GALNT18: variants seen among roughly 807,000 people sequenced by gnomAD.
GALNT18 encodes the protein polypeptide N-acetylgalactosaminyltransferase 18, also known as GalNAc-transferase 18.
In GALNT18, 44 loss-of-function variants were observed where a neutral mutation model predicts 69.5. That is an observed-to-expected ratio of 0.63 (90% CI 0.50 to 0.81). The LOEUF is 0.81. Among genes scored for constraint, GALNT18 ranks in the 40% least tolerant of loss-of-function variants. GALNT18 has a pLI of 0.00. For missense variants in GALNT18, 715 were observed against 810.0 expected (o/e 0.88, Z 1.42); for synonymous variants, 364 against 318.2 (o/e 1.14, Z -1.53).
chr11:11,296,266 C>T (rs1449222405), intron 9 of GALNT18, among the ~76,000 whole-genome samples: 2 of 152,262 alleles, frequency 1.3e-5, no homozygotes, highest in Non-Finnish European at 2.9e-5. Context: ...CTTGTACTCA[C>T]CTACCCCAAC....
In GALNT18 at chr11:11,590,288, G is replaced by A. The variant is rs1338551789; in HGVS notation, c.235+31071C>T. On this transcript the variant is annotated intron_variant, in intron 1 of 10. Coordinates refer to ENST00000227756, the MANE Select transcript of GALNT18 (RefSeq NM_198516.3). This position sits in a 1 kb window ranked among gnomAD's most constrained non-coding sequence, Gnocchi z 4.4. The stretch of plus-strand genomic sequence containing the variant: ...TGCTCTTTCCATGTTCTCTCTCCCC[G>A]TATCTGCCGATTGCATGCAAGGGGT... 2.0e-5 allele frequency among the ~76,000 whole-genome samples: 3 copies of A among 152,182 alleles called. No individual in the cohort carries two copies. The highest frequency in any genetic ancestry group is 7.2e-5 in the African/African-American group (3 of 41,440).
At chr11:11,311,184 C>T (rs967308281) in intron 9 of GALNT18, among the ~76,000 whole-genome samples, 1 of 152,152 alleles carries the variant, frequency 6.6e-6, no homozygotes, top group Admixed American at 6.5e-5. Context: ...GTTGGTGATA[C>T]CCTACTAAGA....
At position 11,497,371 on chromosome 11, in the gene GALNT18, C is replaced by T. The variant is rs1856887487; in HGVS notation, c.236-48435G>A. ...ACACACACACACACACACACACACA[C>T]CCCTTAGAATGGGGCTCCTTAAGAG... On this transcript the variant is annotated intron_variant, in intron 1 of 10. Coordinates refer to ENST00000227756, the MANE Select transcript of GALNT18 (RefSeq NM_198516.3). The surrounding 1 kb of genome is among the most constrained non-coding windows in gnomAD (Gnocchi z 4.2). 1.5e-5 allele frequency among the ~76,000 whole-genome samples: 2 copies of T among 131,746 alleles called. No individual in the cohort carries two copies. Among genetic ancestry groups the T allele is most frequent in the African/African-American group, 5.3e-5 (2 of 37,620 alleles). The allele number at this position is 131,746 out of a possible 152,430, so 86.4% of individuals were successfully genotyped here.
At chr11:11,311,303 A>G (rs1307722270) in intron 9 of GALNT18, among the ~76,000 whole-genome samples, 1 of 152,178 alleles carries the variant, frequency 6.6e-6, no homozygotes, top group East Asian at 1.9e-4. Context: ...GCTTCAAATG[A>G]AAGAGGAAGT....
intron 1 of GALNT18, among the ~76,000 whole-genome samples, chr11:11,464,959 T>C (rs1278912120): frequency 6.6e-6 from 1 of 152,208 alleles, no homozygotes; most frequent in Admixed American, 6.5e-5. Flanking sequence ...TTGTTACTGG[T>C]CAGGTGCTGG....
rs983962396 is a variant in GALNT18 at position 11,459,923 on chromosome 11, G to C, written c.236-10987C>G. ...TCTCCTTTCTGGAAGCTCTGGAGGA[G>C]AGATTCTGTTTCCATGCTCTTCCCA... On this transcript the variant is annotated intron_variant, in intron 1 of 10. Coordinates refer to ENST00000227756, the MANE Select transcript of GALNT18 (RefSeq NM_198516.3). The surrounding 1 kb of genome is among the most constrained non-coding windows in gnomAD (Gnocchi z 5.0). Among the ~76,000 whole-genome samples the C allele has an allele frequency of 1.4e-4, 21 of 152,192 alleles. No homozygotes were observed. The highest frequency in any genetic ancestry group is 4.8e-4 in the African/African-American group (20 of 41,434).
chr11:11,366,454 C>A (rs1000897338), intron 6 of GALNT18, among the ~76,000 whole-genome samples: 1 of 152,032 alleles, frequency 6.6e-6, no homozygotes, highest in African/African-American at 2.4e-5. Flanking sequence ...TAATTAATTT[C>A]TTCTTGTTAT....
chr11:11,299,324 T>A (rs576778682), intron 9 of GALNT18, among the ~76,000 whole-genome samples: 33 of 152,206 alleles, frequency 2.2e-4, no homozygotes, highest in African/African-American at 8.0e-4. Flanking sequence ...TTTTTTACTT[T>A]TAGTAGGGAC....
chr11:11,402,068 A>T lies in GALNT18; in HGVS notation c.596-22804T>A, dbSNP rs1854480296. Among the ~76,000 whole-genome samples the T allele has an allele frequency of 6.6e-6, 1 of 152,258 alleles. No individual in the cohort carries two copies. The highest frequency in any genetic ancestry group is 2.1e-4 in the South Asian group (1 of 4,830). On this transcript the variant is annotated intron_variant, in intron 3 of 10. Transcript: ENST00000227756. The surrounding 1 kb of genome is among the most constrained non-coding windows in gnomAD (Gnocchi z 4.0). ...TATGTACCAAAGCAAGAAGAGATGAAGTAGGCTTACATATTATTAGGTGAA... is the reference window on the plus strand; with the variant it reads ...TATGTACCAAAGCAAGAAGAGATGATGTAGGCTTACATATTATTAGGTGAA...
rs1850017027 is a variant in GALNT18, at chr11:11,331,576, C to T, written c.1416+1118G>A. On this transcript the variant is annotated intron_variant, in intron 8 of 10. Transcript: ENST00000227756. Reference sequence around the variant, plus strand: ...CACAGCTAATCAAAAGAAGAGACTTCAGTTCTTCCTTCAAGTTTTCATCTT... The same window carrying T: ...CACAGCTAATCAAAAGAAGAGACTTTAGTTCTTCCTTCAAGTTTTCATCTT... Among the ~76,000 whole-genome samples, 3 of 152,274 alleles carry T rather than the reference C, an allele frequency of 2.0e-5. No homozygotes were observed. The South Asian group carries it at 6.2e-4, about 32-fold the overall frequency.
intron 2 of GALNT18, among the ~76,000 whole-genome samples, chr11:11,440,548 C>G (rs562763055): frequency 6.6e-6 from 1 of 152,226 alleles, no homozygotes; most frequent in Non-Finnish European, 1.5e-5. Flanking sequence ...CAAAGCCTGG[C>G]TCAGGGCTCG....
chr11:11,332,549 A>G lies in GALNT18; in HGVS notation c.1416+145T>C. On this transcript the variant is annotated intron_variant, in intron 8 of 10. Coordinates refer to ENST00000227756, the MANE Select transcript of GALNT18 (RefSeq NM_198516.3). The surrounding 1 kb of genome is among the most constrained non-coding windows in gnomAD (Gnocchi z 4.3). ...GCTGTAAAAGTAAAGGCTGTCTTGCAGGTGCAGAACCCAGCGCCCGGTCCC... is the reference window on the plus strand; with the variant it reads ...GCTGTAAAAGTAAAGGCTGTCTTGCGGGTGCAGAACCCAGCGCCCGGTCCC... The G allele has an allele frequency of 2.5e-6, 2 of 785,314 alleles. No individual in the cohort carries two copies. Among genetic ancestry groups the G allele is most frequent in the South Asian group, 3.6e-5 (2 of 55,790 alleles). 48.6% of individuals were successfully genotyped at this position (785,314 alleles called of 1,614,324 possible).
In GALNT18 at chr11:11,340,961, C is replaced by T. The variant is rs780515661; in HGVS notation, c.1136G>A (p.Arg379Gln). The T allele has an allele frequency of 2.4e-5, 39 of 1,613,076 alleles. No homozygotes were observed. Among genetic ancestry groups the T allele is most frequent in the East Asian group, 6.7e-5 (3 of 44,832 alleles). Residue 379 changes from arginine (R) to glutamine (Q), a missense_variant, in exon 7 of 11, where the codon CGG (arginine) becomes CAG (glutamine). Arg to Gln is a conservative substitution (Grantham distance 43). Coordinates refer to ENST00000227756, the MANE Select transcript of GALNT18 (RefSeq NM_198516.3). The surrounding 1 kb of genome is among the most constrained non-coding windows in gnomAD (Gnocchi z 4.2). ...GGSVEVLPCS[R>Q]IAHIERAHKP... ...GTGGGCTCGCTCAATGTGGGCAATC[C>T]GTGAGCAGGGCAGGACCTCCACACT...
rs903658754 is a variant in GALNT18 at position 11,432,908 on chromosome 11, G to A, written c.429-121C>T. 4.4e-6 allele frequency: 4 copies of A among 913,906 alleles called. No homozygotes were observed. Among genetic ancestry groups the A allele is most frequent in the East Asian group, 5.2e-5 (2 of 38,176 alleles). 56.6% of individuals were successfully genotyped at this position (913,906 alleles called of 1,614,324 possible). On this transcript the variant is annotated intron_variant, in intron 2 of 10. Transcript: ENST00000227756. The surrounding 1 kb of genome is among the most constrained non-coding windows in gnomAD (Gnocchi z 5.8). Reference sequence around the variant, plus strand: ...GCTCGGGAGTCCAGATTCTTCCAAGGGCCCCTTCTTTGATGCACTTAAGAT... The same window carrying A: ...GCTCGGGAGTCCAGATTCTTCCAAGAGCCCCTTCTTTGATGCACTTAAGAT...
In GALNT18 at chr11:11,337,533, AC is replaced by A. The variant is rs1437875388; in HGVS notation, c.1278+3285del. Among the ~76,000 whole-genome samples the A allele has an allele frequency of 6.6e-6, 1 of 152,050 alleles. No homozygotes were observed. The highest frequency in any genetic ancestry group is 2.4e-5 in the African/African-American group (1 of 41,390). On this transcript the variant is annotated intron_variant, in intron 7 of 10. Transcript: ENST00000227756. The surrounding 1 kb of genome is among the most constrained non-coding windows in gnomAD (Gnocchi z 4.9). Reference sequence around the variant, plus strand: ...AAGCCACTGTTCTAATGAGAGGGAGACTTTTAGATAACAGAACACTCTTTCA... The same window carrying A: ...AAGCCACTGTTCTAATGAGAGGGAGATTTTAGATAACAGAACACTCTTTCA...
intron 10 of GALNT18, among the ~76,000 whole-genome samples, chr11:11,283,820 G>A (rs758614444): frequency 2.0e-5 from 3 of 152,116 alleles, no homozygotes; most frequent in Non-Finnish European, 4.4e-5. Context: ...AGCACACAGA[G>A]AACTTAATTG....
At position 11,372,370 on chromosome 11, in the gene GALNT18, C is replaced by T. The variant is rs1850928389; in HGVS notation, c.1092+145G>A. 3.0e-6 allele frequency: 2 copies of T among 662,244 alleles called. No homozygotes were observed. Among genetic ancestry groups the T allele is most frequent in the Admixed American group, 2.5e-5 (1 of 39,370 alleles). 41.0% of individuals were successfully genotyped at this position (662,244 alleles called of 1,614,324 possible). ...TCAAGAGGCTCCACCCTGTGTCTTC[C>T]CAATCCCAATCACACACAGGATTCA... On this transcript the variant is annotated intron_variant, in intron 6 of 10. Coordinates refer to ENST00000227756, the MANE Select transcript of GALNT18 (RefSeq NM_198516.3). The surrounding 1 kb of genome is among the most constrained non-coding windows in gnomAD (Gnocchi z 4.9).
Position 11,320,421 on chromosome 11 carries a change from G to T in GALNT18, c.1512+6665C>A, listed in dbSNP as rs1010039717. On this transcript the variant is annotated intron_variant, in intron 9 of 10. Coordinates refer to ENST00000227756, the MANE Select transcript of GALNT18 (RefSeq NM_198516.3). The surrounding 1 kb of genome is among the most constrained non-coding windows in gnomAD (Gnocchi z 4.9). The stretch of plus-strand genomic sequence containing the variant: ...AGCTCTCCTTGTCCTATGTGGCCAT[G>T]GTAACAATAAAGATCTTGCTGAGAA... Among the ~76,000 whole-genome samples, 1 of 152,166 alleles carries T rather than the reference G, an allele frequency of 6.6e-6. No homozygotes were observed. The highest frequency in any genetic ancestry group is 1.5e-5 in the Non-Finnish European group (1 of 68,030).
chr11:11,290,762 TCA>T (rs1219122556), intron 10 of GALNT18, among the ~76,000 whole-genome samples: 4 of 151,992 alleles, frequency 2.6e-5, no homozygotes, highest in Non-Finnish European at 4.4e-5. Flanking sequence ...TTCGTTCCAT[TCA>T]CAGACGGCAG....
Sources: gnomAD v4.1 joint callset for allele counts (sites outside exome capture counted in the v4.1 genomes callset) on GRCh38, gnomAD v4.1.1 for gene constraint, Gnocchi (gnomAD v3.1) non-coding constraint, MANE v1.5 for transcripts, NCBI Gene and HGNC (gene_info 2026-07-23, HGNC 2026-07-21) for gene names.